ZNF385D: variants seen among roughly 807,000 people sequenced by gnomAD.
ZNF385D encodes the protein zinc finger protein 659.
In ZNF385D, 15 loss-of-function variants were observed where a neutral mutation model predicts 35.8. That is an observed-to-expected ratio of 0.42 (90% CI 0.28 to 0.64). The LOEUF is 0.64. Among genes scored for constraint, ZNF385D ranks in the 30% least tolerant of loss-of-function variants. The pLI, the probability that ZNF385D is intolerant of heterozygous loss-of-function variation, is 0.23. For missense variants in ZNF385D, 474 were observed against 494.6 expected (o/e 0.96, Z 0.39); for synonymous variants, 212 against 186.8 (o/e 1.13, Z -1.10).
chr3:21,997,856 G>GGCGCGC (rs59960063), intron 3 of ZNF385D, among the ~76,000 whole-genome samples: 2 of 142,974 alleles, frequency 1.4e-5, no homozygotes, highest in African/African-American at 5.2e-5. Flanking sequence ...GTTGCTATTT[G>GGCGCGC]GCGCGCGCGC....
intron 1 of ZNF385D, among the ~76,000 whole-genome samples, chr3:21,737,846 C>T (rs1312792274): frequency 6.6e-6 from 1 of 152,150 alleles, no homozygotes; most frequent in Non-Finnish European, 1.5e-5. Flanking sequence ...GACTGTTGCT[C>T]CATTTGGAAG....
chr3:22,112,913 A>C (rs1702612746), intron 3 of ZNF385D, among the ~76,000 whole-genome samples: 1 of 152,146 alleles, frequency 6.6e-6, no homozygotes, highest in Non-Finnish European at 1.5e-5. Flanking sequence ...TGAACAAATG[A>C]CAGTTATATG....
At chr3:21,747,081 G>T (rs571735773) in intron 1 of ZNF385D, among the ~76,000 whole-genome samples, 14 of 148,542 alleles carry the variant, frequency 9.4e-5, no homozygotes, top group Admixed American at 6.7e-4. Context: ...AGCTTCCTCA[G>T]TGAGGTTTTT....
chr3:21,558,989 C>CTTTTT (rs55997613), intron 3 of ZNF385D, among the ~76,000 whole-genome samples: 2 of 128,824 alleles, frequency 1.6e-5, no homozygotes, highest in African/African-American at 2.9e-5. Flanking sequence ...GCAACCCCTG[C>CTTTTT]TTTTTTTTTT....
chr3:21,989,948 G>C lies in ZNF385D; in HGVS notation c.325+178869C>G, dbSNP rs1246241666. On this transcript the variant is annotated intron_variant, in intron 3 of 5. Transcript: ENST00000494108. ...TGCCTGATTTCACACAAAGATTTATGTGTAACATTTCCAGCACCCAAACAC... is the reference window on the plus strand; with the variant it reads ...TGCCTGATTTCACACAAAGATTTATCTGTAACATTTCCAGCACCCAAACAC... Among the ~76,000 whole-genome samples the C allele has an allele frequency of 3.3e-5, 5 of 152,144 alleles. No individual in the cohort carries two copies. The East Asian group carries it at 9.6e-4, about 29-fold the overall frequency.
chr3:21,595,004 T>C (rs550435014), intron 2 of ZNF385D, among the ~76,000 whole-genome samples: 2 of 152,328 alleles, frequency 1.3e-5, no homozygotes, highest in South Asian at 4.1e-4. Flanking sequence ...TTTTTTCTTT[T>C]TATAACCAGC....
chr3:22,001,812 T>C (rs771193524), intron 3 of ZNF385D, among the ~76,000 whole-genome samples: 24 of 151,876 alleles, frequency 1.6e-4, no homozygotes, highest in Non-Finnish European at 2.7e-4. Flanking sequence ...ACCTGAAAAC[T>C]ATATAAATGA....
intron 3 of ZNF385D, among the ~76,000 whole-genome samples, chr3:21,790,299 CTCA>C (rs2071874425): frequency 6.6e-6 from 1 of 151,622 alleles, no homozygotes; most frequent in South Asian, 2.1e-4. Flanking sequence ...GATGCCAATT[CTCA>C]TCATACTCCT....
At chr3:22,341,527 C>A (rs928648871) in intron 2 of ZNF385D, among the ~76,000 whole-genome samples, 1 of 152,200 alleles carries the variant, frequency 6.6e-6, no homozygotes, top group African/African-American at 2.4e-5. Flanking sequence ...AGTCTCCTAT[C>A]TTCAACTAAT....
Position 21,425,571 on chromosome 3 carries a change from C to A in ZNF385D, c.773G>T (p.Gly258Val), listed in dbSNP as rs1700980693. 6.2e-7 allele frequency: 1 copy of A among 1,611,620 alleles called. No individual in the cohort carries two copies. Among genetic ancestry groups the A allele is most frequent in the African/African-American group, 1.3e-5 (1 of 74,818 alleles). ...TGTTTTATTTTGGAGGCCTGTGTTT[C>A]CTTTATTAACAGGTCCTTTGCCTTT... ...GVKGKGPVNK[G>V]NTGLQNKTFH... The change falls in exon 6 of 8, where the codon GGA (glycine) becomes GTA (valine). Residue 258 changes from glycine (G) to valine (V), a missense_variant. Transcript: ENST00000281523.
At chr3:21,838,363 C>G (rs1398108178) in intron 3 of ZNF385D, among the ~76,000 whole-genome samples, 1 of 152,078 alleles carries the variant, frequency 6.6e-6, no homozygotes, top group Admixed American at 6.6e-5. Context: ...ATGCTAAAAA[C>G]AAAGGTGATG....
At chr3:22,275,823 G>A (rs1167479851) in intron 2 of ZNF385D, among the ~76,000 whole-genome samples, 1 of 152,144 alleles carries the variant, frequency 6.6e-6, no homozygotes, top group Non-Finnish European at 1.5e-5. Context: ...AGTGGCTCAC[G>A]CCTGTAATCC....
intron 3 of ZNF385D, among the ~76,000 whole-genome samples, chr3:21,890,223 G>T (rs934234953): frequency 6.6e-6 from 1 of 152,068 alleles, no homozygotes; most frequent in Non-Finnish European, 1.5e-5. Flanking sequence ...TAGAGGGAGA[G>T]AATTTGAAGG....
chr3:21,878,421 G>T (rs1698094711), intron 3 of ZNF385D, among the ~76,000 whole-genome samples: 1 of 151,994 alleles, frequency 6.6e-6, no homozygotes, highest in Non-Finnish European at 1.5e-5. Flanking sequence ...GCAGTATGAA[G>T]GCATTAATAT....
At chr3:22,130,554 G>A (rs1277734301) in intron 3 of ZNF385D, among the ~76,000 whole-genome samples, 1 of 152,136 alleles carries the variant, frequency 6.6e-6, no homozygotes, top group Non-Finnish European at 1.5e-5. Context: ...GCTCCGTGTT[G>A]CTTTCTGCTG....
intron 3 of ZNF385D, among the ~76,000 whole-genome samples, chr3:22,163,665 A>G (rs1470118313): frequency 6.6e-6 from 1 of 152,156 alleles, no homozygotes; most frequent in African/African-American, 2.4e-5. Context: ...TCCCATATGC[A>G]TTATTTTATT....
intron 3 of ZNF385D, among the ~76,000 whole-genome samples, chr3:21,850,011 T>C (rs969056926): frequency 6.6e-6 from 1 of 152,064 alleles, no homozygotes; most frequent in Admixed American, 6.6e-5. Context: ...GCCAAAGCGT[T>C]GGAATCACAG....
intron 3 of ZNF385D, among the ~76,000 whole-genome samples, chr3:21,943,420 G>A (rs912277850): frequency 6.6e-6 from 1 of 151,380 alleles, no homozygotes; most frequent in African/African-American, 2.4e-5. Flanking sequence ...ATCAAATACT[G>A]ATCTTTGATA....
chr3:21,745,213 T>C (rs1282846255), intron 1 of ZNF385D, among the ~76,000 whole-genome samples: 1 of 152,190 alleles, frequency 6.6e-6, no homozygotes, highest in African/African-American at 2.4e-5. Context: ...CTTTCTGACC[T>C]TGGCCAGGTT....
Sources: allele counts gnomAD v4.1 joint callset (sites outside exome capture counted in the v4.1 genomes callset), GRCh38; gene constraint gnomAD v4.1.1; transcripts MANE v1.5; gene names NCBI Gene and HGNC (gene_info 2026-07-23, HGNC 2026-07-21).